Variants in ARHGAP15 observed in about 807,000 individuals in gnomAD.
The protein encoded by ARHGAP15 is rho GTPase-activating protein 15.
Under a neutral mutation model 63.7 loss-of-function variants are expected in ARHGAP15, and 51 were observed. The ratio of observed to expected loss-of-function variants is 0.80; its 90% CI spans 0.64 to 1.01. ARHGAP15 has a LOEUF of 1.01. ARHGAP15 is among the 50% of genes least tolerant of loss of function. The pLI is 0.00. For missense variants in ARHGAP15, 560 were observed against 564.6 expected, an observed-to-expected ratio of 0.99 and a Z score of 0.08; for synonymous variants, 191 against 193.8, an observed-to-expected ratio of 0.99 and a Z score of 0.12.
chr2:143,230,179 G>T (rs1693382289), intron 5 of ARHGAP15, among the ~76,000 whole-genome samples: 2 of 152,118 alleles, frequency 1.3e-5, no homozygotes, highest in Non-Finnish European at 1.5e-5. Context: ...GCTGAGTTTG[G>T]CTGCTGAAAA....
At chr2:143,533,693 A>C (rs752837242) in intron 10 of ARHGAP15, among the ~76,000 whole-genome samples, 3 of 152,166 alleles carry the variant, frequency 2.0e-5, no homozygotes, top group Non-Finnish European at 4.4e-5. Context: ...TGTGTTTCCA[A>C]GCTTGGTACC....
intron 7 of ARHGAP15, among the ~76,000 whole-genome samples, chr2:143,436,624 C>T (rs1689624175): frequency 6.6e-6 from 1 of 151,980 alleles, no homozygotes; most frequent in African/African-American, 2.4e-5. Context: ...CCTATTTTGG[C>T]CTCATTTTCT....
intron 11 of ARHGAP15, among the ~76,000 whole-genome samples, chr2:143,580,022 T>C (rs1281843689): frequency 6.8e-6 from 1 of 147,190 alleles, no homozygotes; most frequent in African/African-American, 2.5e-5. Context: ...GAAAGAACAC[T>C]GAGAGCTGAA....
intron 6 of ARHGAP15, among the ~76,000 whole-genome samples, chr2:143,381,969 G>T (rs13409533): frequency 0.18 from 26,792 of 151,924 alleles, 2,922 homozygotes; most frequent in Admixed American, 0.31. Flanking sequence ...TTTTCCCAAA[G>T]TATTCATCAC....
intron 6 of ARHGAP15, among the ~76,000 whole-genome samples, chr2:143,350,592 G>T (rs562686084): frequency 2.0e-5 from 3 of 151,052 alleles, no homozygotes; most frequent in East Asian, 1.9e-4. Flanking sequence ...GGCCGAGGGG[G>T]GTGGATCACG....
intron 6 of ARHGAP15, among the ~76,000 whole-genome samples, chr2:143,407,371 G>A (rs191040824): frequency 1.8e-4 from 27 of 151,898 alleles, no homozygotes; most frequent in Admixed American, 1.4e-3. Flanking sequence ...TTGTTAAACC[G>A]TAAGTAGTCA....
chr2:143,674,148 G>T (rs1682708897), intron 12 of ARHGAP15, among the ~76,000 whole-genome samples: 1 of 151,876 alleles, frequency 6.6e-6, no homozygotes, highest in Admixed American at 6.6e-5. Flanking sequence ...TCTCCTAATT[G>T]TATACTCAAG....
intron 6 of ARHGAP15, among the ~76,000 whole-genome samples, chr2:143,391,109 C>T (rs925815132): frequency 6.6e-5 from 10 of 152,116 alleles, no homozygotes; most frequent in Non-Finnish European, 1.0e-4. Context: ...CCTGGAAACC[C>T]CTGTGACTGT....
intron 6 of ARHGAP15, among the ~76,000 whole-genome samples, chr2:143,413,354 C>T (rs1334446287): frequency 5.9e-5 from 9 of 152,176 alleles, no homozygotes; most frequent in Admixed American, 5.9e-4. Context: ...AGGCATAGTC[C>T]TTCAGGATCC....
intron 4 of ARHGAP15, among the ~76,000 whole-genome samples, chr2:143,224,355 C>T (rs543538678): frequency 6.6e-6 from 1 of 152,142 alleles, no homozygotes; most frequent in Admixed American, 6.5e-5. Context: ...GAAAAAATCT[C>T]GATTTTTTCT....
chr2:143,505,223 C>T (rs1243606473), intron 9 of ARHGAP15, among the ~76,000 whole-genome samples: 1 of 152,164 alleles, frequency 6.6e-6, no homozygotes, highest in African/African-American at 2.4e-5. Context: ...TCTGCCAATA[C>T]AGTAGGCAGA....
intron 12 of ARHGAP15, among the ~76,000 whole-genome samples, chr2:143,658,423 T>C (rs1302358421): frequency 6.6e-6 from 1 of 152,242 alleles, no homozygotes; most frequent in East Asian, 1.9e-4. Context: ...TATTTTCTCC[T>C]GTAAACTACT....
intron 6 of ARHGAP15, among the ~76,000 whole-genome samples, chr2:143,319,066 A>T (rs971758990): frequency 6.6e-6 from 1 of 151,922 alleles, no homozygotes; most frequent in Admixed American, 6.6e-5. Flanking sequence ...TCCCCTTAAT[A>T]TTCATTTTAG....
At chr2:143,200,497 AG>A (rs1692071492) in intron 2 of ARHGAP15, among the ~76,000 whole-genome samples, 1 of 151,930 alleles carries the variant, frequency 6.6e-6, no homozygotes, top group African/African-American at 2.4e-5. Flanking sequence ...TCCTAGACAT[AG>A]TACTCAGGTC....
intron 10 of ARHGAP15, among the ~76,000 whole-genome samples, chr2:143,546,778 C>T (rs763826173): frequency 5.3e-5 from 8 of 152,116 alleles, no homozygotes; most frequent in Non-Finnish European, 1.2e-4. Context: ...ATAAAAGAAA[C>T]TCAGAGAATA....
intron 8 of ARHGAP15, 112 bp from the exon 9 acceptor site, chr2:143,487,261 C>T (rs1692365946): frequency 1.6e-6 from 2 of 1,229,496 alleles, no homozygotes; most frequent in South Asian, 3.1e-5. Flanking sequence ...AGAGCCTGAG[C>T]TATTAATTCA....
intron 9 of ARHGAP15, among the ~76,000 whole-genome samples, chr2:143,494,895 C>T (rs1293722726): frequency 2.0e-5 from 3 of 152,146 alleles, no homozygotes; most frequent in Non-Finnish European, 2.9e-5. Context: ...TGCTGATAGT[C>T]AATTTTTCAG....
At chr2:143,556,921 C>T (rs962653888) in intron 11 of ARHGAP15, among the ~76,000 whole-genome samples, 3 of 151,878 alleles carry the variant, frequency 2.0e-5, no homozygotes, top group African/African-American at 7.3e-5. Flanking sequence ...AACGCATATG[C>T]CATCAAAGAG....
intron 6 of ARHGAP15, among the ~76,000 whole-genome samples, chr2:143,255,159 T>A (rs1680356833): frequency 6.6e-6 from 1 of 152,140 alleles, no homozygotes; most frequent in Non-Finnish European, 1.5e-5. Flanking sequence ...CAGTAGGATA[T>A]TTCTGCCAAT....
Sources: gnomAD v4.1 joint callset for allele counts (sites outside exome capture counted in the v4.1 genomes callset) on GRCh38, gnomAD v4.1.1 for gene constraint, MANE v1.5 for transcripts, NCBI Gene and HGNC (gene_info 2026-07-23, HGNC 2026-07-21) for gene names.